SCUBE3: variants seen among roughly 807,000 people sequenced by gnomAD.
SCUBE3 encodes the protein signal peptide, CUB and EGF-like domain-containing protein 3.
A neutral mutation model predicts 116.8 loss-of-function variants in SCUBE3; 33 were observed. That is an observed-to-expected ratio of 0.28 (90% CI 0.21 to 0.38). The LOEUF (loss-of-function observed/expected upper bound fraction) is 0.38, where lower values mean the gene tolerates loss of function less well. SCUBE3 is among the 10% of genes least tolerant of loss of function. The probability of loss-of-function intolerance (pLI) is 1.00; values close to 1 mark genes in which losing one functional copy is unlikely to be tolerated. For missense variants in SCUBE3, 1,007 were observed against 1,324.8 expected (o/e 0.76, Z 3.72); for synonymous variants, 418 against 496.9 (o/e 0.84, Z 2.11).
In SCUBE3 at chr6:35,241,103, C is replaced by A; in HGVS notation, c.1070-38C>A. 6.4e-7 allele frequency: 1 copy of A among 1,561,896 alleles called. No homozygotes were observed. Among genetic ancestry groups the A allele is most frequent in the Non-Finnish European group, 8.7e-7 (1 of 1,145,296 alleles). The stretch of plus-strand genomic sequence containing the variant: ...CTACTCTCCGGCTCCTCCTCCAACT[C>A]CATCGTTGTTTTTCTGTCTCCCTAC... On this transcript the variant is annotated intron_variant, in intron 9 of 21. Transcript: ENST00000274938. The surrounding 1 kb of genome is among the most constrained non-coding windows in gnomAD (Gnocchi z 4.1).
chr6:35,242,543 G>C (rs775098087), intron 13 of SCUBE3, 79 bp from the exon 14 acceptor site: 23 of 1,299,906 alleles, frequency 1.8e-5, no homozygotes, highest in Non-Finnish European at 2.4e-5. Context: ...TACAGTTAGA[G>C]ATCTGGGGAG....
At chr6:35,229,761 A>G (rs529805775) in intron 3 of SCUBE3, among the ~76,000 whole-genome samples, 20 of 152,316 alleles carry the variant, frequency 1.3e-4, no homozygotes, top group East Asian at 1.9e-4. Context: ...CTCTTCCCCA[A>G]GCAGAAAATC....
Position 35,241,477 on chromosome 6 carries a change from C to A in SCUBE3, c.1196-66C>A. ...ACAATAGTTATGCAAGTAGCTGATT[C>A]CTCCAAATTACCCAACTGAGGGAAA... On this transcript the variant is annotated intron_variant, in intron 10 of 21. Coordinates refer to ENST00000274938, the MANE Select transcript of SCUBE3 (RefSeq NM_152753.4). This position sits in a 1 kb window ranked among gnomAD's most constrained non-coding sequence, Gnocchi z 4.1. 8.1e-7 allele frequency: 1 copy of A among 1,232,712 alleles called. No homozygotes were observed. The highest frequency in any genetic ancestry group is 1.2e-6 in the Non-Finnish European group (1 of 833,418). 76.4% of individuals were successfully genotyped at this position (1,232,712 alleles called of 1,614,324 possible).
rs1231764573 is a variant in SCUBE3 at position 35,231,711 on chromosome 6, C to A, written c.335-14C>A. 2 of 1,596,612 alleles carry A rather than the reference C, an allele frequency of 1.3e-6. No homozygotes were observed. The highest frequency in any genetic ancestry group is 1.7e-6 in the Non-Finnish European group (2 of 1,166,264). Reference sequence around the variant, plus strand: ...CTGTACCCCATGACCCCACTGACTACCTATCCTGCACAGATGTGGACGAGT... The same window carrying A: ...CTGTACCCCATGACCCCACTGACTAACTATCCTGCACAGATGTGGACGAGT... On this transcript the variant is annotated splice_polypyrimidine_tract_variant and intron_variant, in intron 3 of 21. Coordinates refer to ENST00000274938, the MANE Select transcript of SCUBE3 (RefSeq NM_152753.4). This position sits in a 1 kb window ranked among gnomAD's most constrained non-coding sequence, Gnocchi z 4.2.
rs1260816528 is a variant in SCUBE3 at position 35,245,010 on chromosome 6, A to C, written c.2401+199A>C. On this transcript the variant is annotated intron_variant, in intron 18 of 21. Coordinates refer to ENST00000274938, the MANE Select transcript of SCUBE3 (RefSeq NM_152753.4). This position sits in a 1 kb window ranked among gnomAD's most constrained non-coding sequence, Gnocchi z 4.2. ...ACCCTGTAACACCCTCTCCCTGGAG[A>C]CAGTTAATGAGGAAGCAGAGACAGG... 6.6e-6 allele frequency among the ~76,000 whole-genome samples: 1 copy of C among 152,146 alleles called. No homozygotes were observed. The highest frequency in any genetic ancestry group is 1.5e-5 in the Non-Finnish European group (1 of 68,018).
Position 35,214,322 on chromosome 6 carries a change from CT to C in SCUBE3, c.-96del. 5 of 696,942 alleles carry C rather than the reference CT, an allele frequency of 7.2e-6. No homozygotes were observed. In the East Asian group the frequency reaches 1.8e-4, roughly 25 times the overall value. The allele number at this position is 696,942 out of a possible 1,614,324, so 43.2% of individuals were successfully genotyped here. A position where few individuals can be genotyped will look rare whatever the true frequency, so the allele number is the denominator to read the frequency against. ...CGGCCTGGCCCCGGCGGGGCGCCCC[CT>C]CCCCTCCCCCTCCTGCGAGCTGGGA... is the stretch of plus-strand genomic sequence containing the variant. On this transcript the variant is annotated 5_prime_UTR_variant, in exon 1 of 22. Transcript: ENST00000274938. This position sits in a 1 kb window ranked among gnomAD's most constrained non-coding sequence, Gnocchi z 6.3.
Position 35,214,600 on chromosome 6 carries a change from C to T in SCUBE3, c.85+97C>T, listed in dbSNP as rs559374804. On this transcript the variant is annotated intron_variant, in intron 1 of 21. Coordinates refer to ENST00000274938, the MANE Select transcript of SCUBE3 (RefSeq NM_152753.4). The surrounding 1 kb of genome is among the most constrained non-coding windows in gnomAD (Gnocchi z 6.3). ...GAGGGGCAGGGCAGGTGCTGGGGAG[C>T]GTGCTGCTGTCAGAACCCGGCTCTG... The T allele has an allele frequency of 2.9e-5, 21 of 732,558 alleles. No individual in the cohort carries two copies. Among genetic ancestry groups the T allele is most frequent in the Admixed American group, 1.6e-4 (4 of 24,314 alleles). The allele number at this position is 732,558 out of a possible 1,614,324, so 45.4% of individuals were successfully genotyped here. A position where few individuals can be genotyped will look rare whatever the true frequency, so the allele number is the denominator to read the frequency against.
chr6:35,214,405 C>T lies in SCUBE3; in HGVS notation c.-14C>T, dbSNP rs1782802887. On this transcript the variant is annotated 5_prime_UTR_variant, in exon 1 of 22. Coordinates refer to ENST00000274938, the MANE Select transcript of SCUBE3 (RefSeq NM_152753.4). This position sits in a 1 kb window ranked among gnomAD's most constrained non-coding sequence, Gnocchi z 6.3. The stretch of plus-strand genomic sequence containing the variant: ...AGACCGGCCCCGGCGGCTGGGCCGC[C>T]AGTAGCTCCAGCCATGGGCTCGGGG... 1.4e-6 allele frequency: 2 copies of T among 1,431,262 alleles called. No homozygotes were observed. The highest frequency in any genetic ancestry group is 1.8e-6 in the Non-Finnish European group (2 of 1,089,956). 88.7% of individuals were successfully genotyped at this position (1,431,262 alleles called of 1,614,324 possible).
chr6:35,240,374 A>T lies in SCUBE3; in HGVS notation c.953A>T (p.Asp318Val), dbSNP rs1302649475. 6.3e-7 allele frequency: 1 copy of T among 1,576,250 alleles called. No individual in the cohort carries two copies. Among genetic ancestry groups the T allele is most frequent in the Non-Finnish European group, 8.7e-7 (1 of 1,152,242 alleles). ...GTGGCTTGAATCTTTGCTCTTCCAG[A>T]TATAGACGAGTGTTCCTTTGATCGA... ...KLLINERNCQ[D>V]IDECSFDRTC... The change falls in exon 9 of 22, where the codon GAT becomes GTT. Residue 318 changes from aspartate (D) to valine (V), a missense_variant and splice_region_variant. Coordinates refer to ENST00000274938, the MANE Select transcript of SCUBE3 (RefSeq NM_152753.4). The surrounding 1 kb of genome is among the most constrained non-coding windows in gnomAD (Gnocchi z 4.6).
In SCUBE3 at chr6:35,240,306, G is replaced by T; in HGVS notation, c.953-68G>T. 2.3e-6 allele frequency: 2 copies of T among 883,636 alleles called. No homozygotes were observed. The highest frequency in any genetic ancestry group is 1.8e-6 in the Non-Finnish European group (1 of 569,668). 54.7% of individuals were successfully genotyped at this position (883,636 alleles called of 1,614,324 possible). On this transcript the variant is annotated intron_variant, in intron 8 of 21. Coordinates refer to ENST00000274938, the MANE Select transcript of SCUBE3 (RefSeq NM_152753.4). This position sits in a 1 kb window ranked among gnomAD's most constrained non-coding sequence, Gnocchi z 4.6. ...GGGAAAGCCAAGGCCCCTCACTTGG[G>T]TCCTTCACCTGAGCAAGGGTCAAGT...
Position 35,228,475 on chromosome 6 carries a change from T to G in SCUBE3, c.209-139T>G. 2 of 723,050 alleles carry G rather than the reference T, an allele frequency of 2.8e-6. No homozygotes were observed. Among genetic ancestry groups the G allele is most frequent in the Admixed American group, 2.9e-5 (1 of 34,046 alleles). The allele number at this position is 723,050 out of a possible 1,614,324, so 44.8% of individuals were successfully genotyped here. A position where few individuals can be genotyped will look rare whatever the true frequency, so the allele number is the denominator to read the frequency against. On this transcript the variant is annotated intron_variant, in intron 2 of 21. Coordinates refer to ENST00000274938, the MANE Select transcript of SCUBE3 (RefSeq NM_152753.4). The surrounding 1 kb of genome is among the most constrained non-coding windows in gnomAD (Gnocchi z 4.9). The stretch of plus-strand genomic sequence containing the variant: ...GACCTGAAAATGTTCATGACTTAGG[T>G]TTAAATGAAAACAGAAAAATGCTAA...
Position 35,252,761 on chromosome 6 carries a change from A to C in SCUBE3, c.*4056A>C, listed in dbSNP as rs1468872441. On this transcript the variant is annotated 3_prime_UTR_variant, in exon 22 of 22. Coordinates refer to ENST00000274938, the MANE Select transcript of SCUBE3 (RefSeq NM_152753.4). Reference sequence around the variant, plus strand: ...CCAGTTGTCATCAGCTTTTTTAGACACCACAGGTTGTAGCAGTTTGAACAA... The same window carrying C: ...CCAGTTGTCATCAGCTTTTTTAGACCCCACAGGTTGTAGCAGTTTGAACAA... 1 of 152,212 alleles carries C rather than the reference A, an allele frequency of 6.6e-6. No homozygotes were observed. Among genetic ancestry groups the C allele is most frequent in the Admixed American group, 6.5e-5 (1 of 15,286 alleles). The allele number at this position is 152,212 out of a possible 1,614,324, so 9.4% of individuals were successfully genotyped here. A position where few individuals can be genotyped will look rare whatever the true frequency, so the allele number is the denominator to read the frequency against.
rs760286933 is a variant in SCUBE3, at chr6:35,235,708, G to A, written c.713-2194G>A. Reference sequence around the variant, plus strand: ...GCCCGGGAGCTTTCATGTTGGTCTCGTCTTTGTTCCTGTCACTCTCCTTCT... The same window carrying A: ...GCCCGGGAGCTTTCATGTTGGTCTCATCTTTGTTCCTGTCACTCTCCTTCT... On this transcript the variant is annotated intron_variant, in intron 6 of 21. Transcript: ENST00000274938. The surrounding 1 kb of genome is among the most constrained non-coding windows in gnomAD (Gnocchi z 4.5). 2.5e-4 allele frequency among the ~76,000 whole-genome samples: 38 copies of A among 152,062 alleles called. No homozygotes were observed. Among genetic ancestry groups the A allele is most frequent in the Admixed American group, 1.3e-3 (20 of 15,268 alleles).
chr6:35,226,544 G>A lies in SCUBE3; in HGVS notation c.86-1036G>A, dbSNP rs187372666. 3.3e-3 allele frequency among the ~76,000 whole-genome samples: 400 copies of A among 123,068 alleles called. 4 individuals carry two copies. Among genetic ancestry groups the A allele is most frequent in the African/African-American group, 0.011 (365 of 33,156 alleles). 80.7% of individuals were successfully genotyped at this position (123,068 alleles called of 152,430 possible). A position where few individuals can be genotyped will look rare whatever the true frequency, so the allele number is the denominator to read the frequency against. ...GTCGCCCAGGCTGGAGTGCATTAGC[G>A]CGATCTCAGCTCACTGCAACCTCCG... On this transcript the variant is annotated intron_variant, in intron 1 of 21. Transcript: ENST00000274938.
rs186018810 is a variant in SCUBE3 at position 35,218,745 on chromosome 6, A to G, written c.85+4242A>G. Reference sequence around the variant, plus strand: ...ACAGGAGCTAGTCACCTGGGCTAAGAGGGGACAGAGACTCCCCTCCCCCAC... The same window carrying G: ...ACAGGAGCTAGTCACCTGGGCTAAGGGGGGACAGAGACTCCCCTCCCCCAC... On this transcript the variant is annotated intron_variant, in intron 1 of 21. Coordinates refer to ENST00000274938, the MANE Select transcript of SCUBE3 (RefSeq NM_152753.4). Among the ~76,000 whole-genome samples, 298 of 152,192 alleles carry G rather than the reference A, an allele frequency of 2.0e-3. 2 individuals carry two copies. Among genetic ancestry groups the G allele is most frequent in the African/African-American group, 6.9e-3 (285 of 41,500 alleles).
intron 3 of SCUBE3, among the ~76,000 whole-genome samples, chr6:35,230,196 C>T (rs549740758): frequency 1.5e-3 from 222 of 152,286 alleles, no homozygotes; most frequent in African/African-American, 4.7e-3. Flanking sequence ...TTATGAAACT[C>T]CTTTGGGAAG....
Position 35,243,558 on chromosome 6 carries a change from G to C in SCUBE3, c.1910-36G>C. On this transcript the variant is annotated intron_variant, in intron 15 of 21. Coordinates refer to ENST00000274938, the MANE Select transcript of SCUBE3 (RefSeq NM_152753.4). This position sits in a 1 kb window ranked among gnomAD's most constrained non-coding sequence, Gnocchi z 6.6. Reference sequence around the variant, plus strand: ...CCCAGGCCTGGGTGGTGGGAAATGCGGGGGTGGGTGGCTAGCGCGGCCGAC... The same window carrying C: ...CCCAGGCCTGGGTGGTGGGAAATGCCGGGGTGGGTGGCTAGCGCGGCCGAC... 1 of 1,536,832 alleles carries C rather than the reference G, an allele frequency of 6.5e-7. No homozygotes were observed. The highest frequency in any genetic ancestry group is 8.8e-7 in the Non-Finnish European group (1 of 1,136,506).
intron 12 of SCUBE3, 103 bp downstream of exon 12, chr6:35,242,013 CT>C (rs1236903248): frequency 2.1e-6 from 2 of 941,490 alleles, no homozygotes; most frequent in Non-Finnish European, 1.7e-6. Flanking sequence ...CCTGGATCCT[CT>C]TTTTTGCCCT....
In SCUBE3 at chr6:35,233,239, A is replaced by G. The variant is rs895168261; in HGVS notation, c.650A>G (p.Gln217Arg). The G allele has an allele frequency of 3.1e-6, 5 of 1,613,088 alleles. No homozygotes were observed. The highest frequency in any genetic ancestry group is 2.2e-5 in the East Asian group (1 of 44,826). ...GCQHTCDDTEQGPRCGCHIKF... is the reference protein window; with the variant it reads ...GCQHTCDDTERGPRCGCHIKF... ...CAGCACACGTGTGATGACACAGAGC[A>G]GGGTCCCCGGTGCGGCTGCCATATC... The change falls in exon 6 of 22, where the codon CAG becomes CGG. Residue 217 changes from glutamine to arginine, a missense_variant. Transcript: ENST00000274938. The surrounding 1 kb of genome is among the most constrained non-coding windows in gnomAD (Gnocchi z 5.7).
Sources: allele counts gnomAD v4.1 joint callset (sites outside exome capture counted in the v4.1 genomes callset), GRCh38; gene constraint gnomAD v4.1.1; non-coding constraint Gnocchi (gnomAD v3.1); transcripts MANE v1.5; gene names NCBI Gene and HGNC (gene_info 2026-07-23, HGNC 2026-07-21).